EIF4ENIF1: variants seen among roughly 807,000 people sequenced by gnomAD.
EIF4ENIF1 encodes eukaryotic translation initiation factor 4E transporter.
Under a neutral mutation model 110.5 loss-of-function variants are expected in EIF4ENIF1, and 23 were observed. The ratio of observed to expected loss-of-function variants is 0.21; its 90% CI spans 0.15 to 0.29. The LOEUF is 0.29. Among genes scored for constraint, EIF4ENIF1 ranks in the 10% least tolerant of loss-of-function variants. The pLI is 1.00. For synonymous variants in EIF4ENIF1, 440 were observed against 437.0 expected, an observed-to-expected ratio of 1.01 and a Z score of -0.09; for missense variants, 1,031 against 1,221.1, an observed-to-expected ratio of 0.84 and a Z score of 2.32.
At position 31,450,841 on chromosome 22, in the gene EIF4ENIF1, TAC is replaced by T. The variant is rs1490171545; in HGVS notation, c.1513-483_1513-482del. The T allele has an allele frequency of 5.0e-5, 4 of 80,288 alleles. No individual in the cohort carries two copies. In the East Asian group the frequency reaches 8.1e-4, roughly 16 times the overall value. 5.0% of individuals were successfully genotyped at this position (80,288 alleles called of 1,614,324 possible). Reference sequence around the variant, plus strand: ...ACACATACATACACACATATATATATACTACACACACACACACACACACACAC... The same window carrying T: ...ACACATACATACACACATATATATATTACACACACACACACACACACACAC... On this transcript the variant is annotated intron_variant, in intron 10 of 18. Transcript: ENST00000330125.
chr22:31,472,993 C>G (rs904095179), intron 2 of EIF4ENIF1, among the ~76,000 whole-genome samples: 21 of 151,706 alleles, frequency 1.4e-4, no homozygotes, highest in Admixed American at 1.1e-3. Context: ...CTTTCCCAGA[C>G]TCTGGTATCT....
chr22:31,492,723 A>AATTTTT (rs566849155), upstream of EIF4ENIF1, among the ~76,000 whole-genome samples: 1 of 152,076 alleles, frequency 6.6e-6, no homozygotes, highest in African/African-American at 2.4e-5. Context: ...TTGGCAGGAT[A>AATTTTT]ATTTTTATTT....
Position 31,471,932 on chromosome 22 carries a change from C to T in EIF4ENIF1, c.97-15G>A, listed in dbSNP as rs1372683209. On this transcript the variant is annotated splice_polypyrimidine_tract_variant and intron_variant, in intron 2 of 18. Coordinates refer to ENST00000330125, the MANE Select transcript of EIF4ENIF1 (RefSeq NM_019843.4). ...AAGAGTTCTTCCTAAAAAGAGAAGT[C>T]AAATAGTCATTTTGAATTACATTTC... 1 of 1,584,238 alleles carries T rather than the reference C, an allele frequency of 6.3e-7. No homozygotes were observed. The highest frequency in any genetic ancestry group is 1.4e-5 in the African/African-American group (1 of 73,056).
chr22:31,441,550 GAAAAA>G (rs771597260), intron 17 of EIF4ENIF1, among the ~76,000 whole-genome samples: 11 of 65,260 alleles, frequency 1.7e-4, no homozygotes, highest in Admixed American at 5.8e-4. Context: ...CTACAAAAAG[GAAAAA>G]AAAAAAAAAA....
At position 31,441,904 on chromosome 22, in the gene EIF4ENIF1, A is replaced by G. The variant is rs1298461843; in HGVS notation, c.2421T>C (p.Pro807=). The change falls in exon 17 of 19, where the codon CCT becomes CCC. Residue 807 remains proline (P), a synonymous_variant. Transcript: ENST00000330125. The stretch of plus-strand genomic sequence containing the variant: ...GGGGGACAAGGGGAACTTGGTGGAC[A>G]GGGCGGAGAAAAGGTGTTGTAGGAA... The part of the protein sequence containing the change: ...SPVPTTPFLR[P]VHQVPLVPHV... 6 of 1,614,080 alleles carry G rather than the reference A, an allele frequency of 3.7e-6. No homozygotes were observed. The Admixed American group carries it at 8.3e-5, about 22-fold the overall frequency.
Position 31,441,886 on chromosome 22 carries a change from A to G in EIF4ENIF1, c.2439T>C (p.Leu813=). 1 of 1,614,170 alleles carries G rather than the reference A, an allele frequency of 6.2e-7. No individual in the cohort carries two copies. The highest frequency in any genetic ancestry group is 8.5e-7 in the Non-Finnish European group (1 of 1,180,018). The change falls in exon 17 of 19, where the codon CTT becomes CTC. Residue 813 remains leucine (L), a synonymous_variant. Coordinates refer to ENST00000330125, the MANE Select transcript of EIF4ENIF1 (RefSeq NM_019843.4). ...PFLRPVHQVP[L]VPHVPMVRPA... is the part of the protein sequence containing the mutation. ...GCCTAACCATAGGGACATGGGGGAC[A>G]AGGGGAACTTGGTGGACAGGGCGGA...
Position 31,440,025 on chromosome 22 carries a change from T to A in EIF4ENIF1, c.2813A>T (p.His938Leu). 6.2e-7 allele frequency: 1 copy of A among 1,613,658 alleles called. No individual in the cohort carries two copies. The highest frequency in any genetic ancestry group is 1.1e-5 in the South Asian group (1 of 91,038). The change falls in exon 19 of 19, where the codon CAC (histidine) becomes CTC (leucine). Residue 938 changes from histidine to leucine, a missense_variant. This residue lies in a region of EIF4ENIF1 where 309 missense variants were observed against 299.1 expected (regional missense o/e 1.03). Coordinates refer to ENST00000330125, the MANE Select transcript of EIF4ENIF1 (RefSeq NM_019843.4). ...GCTGGGGCGATGCTCCAGCTGGGAGTGCATGTGGGGCAGGCCTGACCGGCT... is the reference window on the plus strand; with the variant it reads ...GCTGGGGCGATGCTCCAGCTGGGAGAGCATGTGGGGCAGGCCTGACCGGCT... The part of the protein sequence containing the change: ...VPSRSGLPHM[H>L]SQLEHRPSQR...
At position 31,462,904 on chromosome 22, in the gene EIF4ENIF1, G is replaced by C. The variant is rs375132437; in HGVS notation, c.787+28C>G. On this transcript the variant is annotated intron_variant, in intron 6 of 18. Coordinates refer to ENST00000330125, the MANE Select transcript of EIF4ENIF1 (RefSeq NM_019843.4). ...AGCCTACATCTCATTTTAAAACAGC[G>C]AACTTCCCTCCCAAAGTTTGAACTG... is the stretch of plus-strand genomic sequence containing the variant. The C allele has an allele frequency of 1.8e-5, 29 of 1,609,344 alleles. No homozygotes were observed. The African/African-American group carries it at 3.2e-4, about 18-fold the overall frequency.
chr22:31,465,609 T>A (rs1271541295), intron 4 of EIF4ENIF1, among the ~76,000 whole-genome samples: 1 of 152,176 alleles, frequency 6.6e-6, no homozygotes, highest in Non-Finnish European at 1.5e-5. Flanking sequence ...GGAAAACAGT[T>A]TGGCAATTTC....
rs749915349 is a variant in EIF4ENIF1 at position 31,450,161 on chromosome 22, A to G, written c.1584+128T>C. Reference sequence around the variant, plus strand: ...CAACACCAAACTATGTCAGGCAACAATATCACCTCTCTGATTGCCAGGCAA... The same window carrying G: ...CAACACCAAACTATGTCAGGCAACAGTATCACCTCTCTGATTGCCAGGCAA... On this transcript the variant is annotated intron_variant, in intron 11 of 18. Coordinates refer to ENST00000330125, the MANE Select transcript of EIF4ENIF1 (RefSeq NM_019843.4). The G allele has an allele frequency of 1.0e-4, 76 of 729,250 alleles. No individual in the cohort carries two copies. In the African/African-American group the frequency reaches 1.1e-3, roughly 11 times the overall value. The allele number at this position is 729,250 out of a possible 1,614,324, so 45.2% of individuals were successfully genotyped here. A position where few individuals can be genotyped will look rare whatever the true frequency, so the allele number is the denominator to read the frequency against.
intron 2 of EIF4ENIF1, among the ~76,000 whole-genome samples, chr22:31,483,384 G>T (rs2051902239): frequency 6.6e-6 from 1 of 151,426 alleles, no homozygotes; most frequent in South Asian, 2.1e-4. Flanking sequence ...AATTTTTTTT[G>T]TAGTGACAGG....
At chr22:31,484,678 A>G (rs2051951429) in intron 2 of EIF4ENIF1, among the ~76,000 whole-genome samples, 1 of 152,182 alleles carries the variant, frequency 6.6e-6, no homozygotes, top group Admixed American at 6.5e-5. Flanking sequence ...TACTAAAAAG[A>G]CAAAAATTAG....
At chr22:31,454,435 C>T (rs1164421392) in intron 9 of EIF4ENIF1, 59 bp from the exon 10 acceptor site, 2 of 1,434,414 alleles carry the variant, frequency 1.4e-6, no homozygotes, top group African/African-American at 1.4e-5. Flanking sequence ...TAGGAATTCT[C>T]TTTGGCTAGT....
At chr22:31,438,963 G>A (rs894670588), downstream of EIF4ENIF1, among the ~76,000 whole-genome samples, 4 of 151,930 alleles carry the variant, frequency 2.6e-5, no homozygotes, top group South Asian at 2.1e-4. Flanking sequence ...CTTGTGATTC[G>A]CCTGCCTCTG....
At chr22:31,486,195 C>T (rs143476511) in intron 2 of EIF4ENIF1, among the ~76,000 whole-genome samples, 12,538 of 150,640 alleles carry the variant, frequency 0.083, 882 homozygotes, top group East Asian at 0.37. Flanking sequence ...ACTTGAACCC[C>T]GGAGGCGGAG....
At chr22:31,466,597 A>T (rs909663205) in intron 4 of EIF4ENIF1, among the ~76,000 whole-genome samples, 10 of 132,588 alleles carry the variant, frequency 7.5e-5, no homozygotes, top group African/African-American at 2.2e-4. Flanking sequence ...AACAACAAAA[A>T]AAAACAAAGC....
upstream of EIF4ENIF1, among the ~76,000 whole-genome samples, chr22:31,493,121 C>T (rs554844959): frequency 6.6e-6 from 1 of 151,968 alleles, no homozygotes; most frequent in South Asian, 2.1e-4. Context: ...GCAAGCTCTG[C>T]CCCCTGGGTT....
chr22:31,467,840 C>A (rs1016095714), intron 4 of EIF4ENIF1, among the ~76,000 whole-genome samples: 3 of 151,822 alleles, frequency 2.0e-5, no homozygotes, highest in African/African-American at 7.3e-5. Context: ...CTAATTTATA[C>A]CGGAGGACTG....
At chr22:31,440,555 T>A in intron 18 of EIF4ENIF1, 149 bp downstream of exon 18, 1 of 1,031,928 alleles carries the variant, frequency 9.7e-7, no homozygotes, top group Non-Finnish European at 1.4e-6. Flanking sequence ...GTCAATTTAC[T>A]TCATCTTATT....
Sources: gnomAD v4.1 joint callset for allele counts (sites outside exome capture counted in the v4.1 genomes callset) on GRCh38, gnomAD v4.1.1 for gene constraint, gnomAD v4.1.1 regional missense constraint, MANE v1.5 for transcripts, NCBI Gene and HGNC (gene_info 2026-07-23, HGNC 2026-07-21) for gene names.